The following SVOP variants were observed in gnomAD, a reference collection of about 807,000 sequenced individuals.
SVOP encodes SV2 related protein.
In SVOP, 17 loss-of-function variants were observed where a neutral mutation model predicts 69.1. The observed-to-expected ratio is 0.25, with a 90% confidence interval of 0.17 to 0.37. The LOEUF (loss-of-function observed/expected upper bound fraction) is 0.37, where lower values mean the gene tolerates loss of function less well. SVOP is among the 10% of genes least tolerant of loss of function. The probability of loss-of-function intolerance (pLI) is 1.00; values close to 1 mark genes in which losing one functional copy is unlikely to be tolerated. For synonymous variants in SVOP, 238 were observed against 238.6 expected, an observed-to-expected ratio of 1.00 and a Z score of 0.02; for missense variants, 435 against 597.5, an observed-to-expected ratio of 0.73 and a Z score of 2.84.
chr12:108,970,515 A>G (rs1403244361), intron 5 of SVOP, among the ~76,000 whole-genome samples: 4 of 152,212 alleles, frequency 2.6e-5, no homozygotes, highest in African/African-American at 9.7e-5. Context: ...TTACCTACCC[A>G]GCATCCAGAT....
At chr12:109,002,996 AAT>A (rs1471123344) in intron 1 of SVOP, among the ~76,000 whole-genome samples, 30 of 58,184 alleles carry the variant, frequency 5.2e-4, no homozygotes, top group South Asian at 2.7e-3. Flanking sequence ...TAAATAAATA[AAT>A]AAATAAAAAT....
chr12:108,964,095 C>T (rs2040032012), intron 5 of SVOP, among the ~76,000 whole-genome samples: 1 of 152,034 alleles, frequency 6.6e-6, no homozygotes, highest in South Asian at 2.1e-4. Flanking sequence ...TGGCTCATGC[C>T]TGTAATCCCA....
At chr12:108,977,345 AC>A in intron 4 of SVOP, 52 bp downstream of exon 4, 1 of 1,517,418 alleles carries the variant, frequency 6.6e-7, no homozygotes, top group Middle Eastern at 2.0e-4. Context: ...CCCACAGGAC[AC>A]CCCAGGGGAG....
chr12:108,926,614 T>C (rs1217775703), intron 11 of SVOP: 1 of 152,264 alleles, frequency 6.6e-6, no homozygotes, highest in Non-Finnish European at 1.5e-5. Context: ...CCTGTCATTG[T>C]CTTTGAGCTA....
At chr12:108,963,499 T>A (rs1032191821) in intron 5 of SVOP, among the ~76,000 whole-genome samples, 19 of 152,160 alleles carry the variant, frequency 1.2e-4, no homozygotes, top group African/African-American at 1.9e-4. Context: ...TTATTTATTT[T>A]TTTTTTGAAA....
chr12:108,953,902 A>G (rs2039970581), intron 6 of SVOP, among the ~76,000 whole-genome samples: 1 of 152,072 alleles, frequency 6.6e-6, no homozygotes, highest in Non-Finnish European at 1.5e-5. Context: ...GCTTGAGGTC[A>G]GGAGTTCGAG....
chr12:108,945,221 T>C (rs1018517561), intron 6 of SVOP, 55 bp from the exon 7 acceptor site: 2 of 1,506,100 alleles, frequency 1.3e-6, no homozygotes, highest in Non-Finnish European at 1.8e-6. Flanking sequence ...GGTGGGAAAA[T>C]GGCTACCGTT....
chr12:108,934,113 C>A, intron 11 of SVOP, 82 bp downstream of exon 11: 1 of 1,243,608 alleles, frequency 8.0e-7, no homozygotes, highest in South Asian at 1.4e-5. Context: ...AGGGCAGAGC[C>A]TGGGGTGGGA....
intron 2 of SVOP, 79 bp downstream of exon 2, chr12:108,983,522 T>C (rs1566062557): frequency 2.5e-6 from 1 of 398,496 alleles, no homozygotes; most frequent in Non-Finnish European, 4.4e-6. Context: ...CCCTTCACAT[T>C]ACCCCTCTGA....
At chr12:108,982,831 T>TATCATC (rs2040146845) in intron 2 of SVOP, among the ~76,000 whole-genome samples, 5 of 50,976 alleles carry the variant, frequency 9.8e-5, no homozygotes, top group South Asian at 5.5e-4. Context: ...TCATCATCAC[T>TATCATC]GTCACCATCA....
chr12:108,967,656 C>G (rs912888608), intron 5 of SVOP, among the ~76,000 whole-genome samples: 1 of 152,142 alleles, frequency 6.6e-6, no homozygotes, highest in Non-Finnish European at 1.5e-5. Context: ...ACCTCAGCAC[C>G]GCCAACATCT....
At chr12:108,950,859 C>T (rs958362746) in intron 6 of SVOP, among the ~76,000 whole-genome samples, 1 of 152,180 alleles carries the variant, frequency 6.6e-6, no homozygotes, top group African/African-American at 2.4e-5. Flanking sequence ...CCATTATTTA[C>T]AGCAGTTCAT....
chr12:108,912,538 T>C lies in SVOP; in HGVS notation c.1644A>G (p.Glu548=). Residue 548 remains glutamate (E), a synonymous_variant, in exon 16 of 16, where the codon GAA becomes GAG. Transcript: ENST00000610966. ...GVTRSNSGSQ[E] is the part of the protein sequence containing the mutation. ...CAGCTCAGTCCCCCATCGGTCACTA[T>C]TCCTGAGAGCCAGAGTTCGACCTGG... The C allele has an allele frequency of 6.2e-7, 1 of 1,613,776 alleles. No individual in the cohort carries two copies. Among genetic ancestry groups the C allele is most frequent in the Non-Finnish European group, 8.5e-7 (1 of 1,179,712 alleles).
intron 1 of SVOP, among the ~76,000 whole-genome samples, chr12:109,018,047 G>A (rs955750255): frequency 1.3e-5 from 2 of 152,096 alleles, no homozygotes; most frequent in Non-Finnish European, 1.5e-5. Flanking sequence ...ACCTTACTCA[G>A]CTGTAGAATC....
chr12:108,949,416 T>C (rs190080978), intron 6 of SVOP, among the ~76,000 whole-genome samples: 1 of 152,000 alleles, frequency 6.6e-6, no homozygotes, highest in African/African-American at 2.4e-5. Flanking sequence ...TACAGGTGCA[T>C]GCCACAATGC....
chr12:108,975,350 A>C lies in SVOP; in HGVS notation c.381+2048T>G, dbSNP rs993102131. Among the ~76,000 whole-genome samples, 5 of 152,172 alleles carry C rather than the reference A, an allele frequency of 3.3e-5. No homozygotes were observed. In the East Asian group the frequency reaches 9.6e-4, roughly 29 times the overall value. ...ACTCTGACTTTTCCTTAGAAAATTT[A>C]CCCATGAGACTTAATGGCTCTACCT... On this transcript the variant is annotated intron_variant, in intron 4 of 15. Coordinates refer to ENST00000610966, the MANE Select transcript of SVOP (RefSeq NM_018711.5).
chr12:108,914,616 C>T lies in SVOP; in HGVS notation c.1440+1167G>A, dbSNP rs751272654. Among the ~76,000 whole-genome samples, 10 of 151,850 alleles carry T rather than the reference C, an allele frequency of 6.6e-5. No individual in the cohort carries two copies. In the South Asian group the frequency reaches 1.5e-3, roughly 22 times the overall value. ...CAAGGTCTCACTCTATCGCCCAGGC[C>T]GGAGTGTAGTGGAGCAATTTTGGCT... On this transcript the variant is annotated intron_variant, in intron 15 of 15. Coordinates refer to ENST00000610966, the MANE Select transcript of SVOP (RefSeq NM_018711.5).
chr12:108,918,653 T>C (rs1019627122), intron 13 of SVOP, among the ~76,000 whole-genome samples: 4 of 152,118 alleles, frequency 2.6e-5, no homozygotes, highest in Admixed American at 2.0e-4. Flanking sequence ...CAGAGATCAA[T>C]AGAGGCATAA....
intron 6 of SVOP, among the ~76,000 whole-genome samples, chr12:108,947,678 G>A (rs2039933033): frequency 6.6e-6 from 1 of 152,128 alleles, no homozygotes; most frequent in Non-Finnish European, 1.5e-5. Context: ...GGGGCATGCT[G>A]GACAGGGAAG....
Sources: allele counts gnomAD v4.1 joint callset (sites outside exome capture counted in the v4.1 genomes callset), GRCh38; gene constraint gnomAD v4.1.1; transcripts MANE v1.5; gene names NCBI Gene and HGNC (gene_info 2026-07-23, HGNC 2026-07-21).